The following ARSB variants were observed in gnomAD, a reference collection of about 807,000 sequenced individuals.
ARSB encodes the protein N-acetylgalactosamine-4-sulfatase.
A neutral mutation model predicts 50.9 loss-of-function variants in ARSB; 41 were observed. That is an observed-to-expected ratio of 0.81 (90% CI 0.63 to 1.04). ARSB has a LOEUF of 1.04. Ranked by LOEUF, ARSB falls within the 50% of genes least tolerant of loss-of-function variation. The pLI is 0.00. For missense variants in ARSB, 672 were observed against 693.3 expected (o/e 0.97, Z 0.35); for synonymous variants, 269 against 284.8 (o/e 0.94, Z 0.56).
At chr5:78,874,767 C>G (rs564070434) in intron 5 of ARSB, among the ~76,000 whole-genome samples, 1 of 152,248 alleles carries the variant, frequency 6.6e-6, no homozygotes, top group Non-Finnish European at 1.5e-5. Context: ...TTCAATTACA[C>G]CTGATGTGGA....
chr5:78,953,280 C>T (rs977354630), intron 4 of ARSB, among the ~76,000 whole-genome samples: 46 of 152,308 alleles, frequency 3.0e-4, no homozygotes, highest in African/African-American at 1.1e-3. Context: ...CCATGAGGTC[C>T]TATGAGAACA....
intron 6 of ARSB, among the ~76,000 whole-genome samples, chr5:78,837,873 G>A (rs530268476): frequency 6.6e-6 from 1 of 152,126 alleles, no homozygotes; most frequent in Admixed American, 6.5e-5. Flanking sequence ...CTCAAACCTT[G>A]CCCTTGCCTC....
chr5:78,900,517 G>A (rs1309917432), intron 4 of ARSB, among the ~76,000 whole-genome samples: 3 of 152,080 alleles, frequency 2.0e-5, no homozygotes, highest in Admixed American at 2.0e-4. Flanking sequence ...GAGGGGACTC[G>A]CAGACGTGGA....
At chr5:78,846,566 A>G (rs1745453569) in intron 5 of ARSB, among the ~76,000 whole-genome samples, 1 of 152,156 alleles carries the variant, frequency 6.6e-6, no homozygotes, top group African/African-American at 2.4e-5. Flanking sequence ...TTGCTGGCAT[A>G]TAGAAATGCT....
rs189547163 is a variant in ARSB, at chr5:78,935,673, A to G, written c.898+19622T>C. On this transcript the variant is annotated intron_variant, in intron 4 of 7. Transcript: ENST00000264914. ...AATCTCTAGCCACTTAGCTATTATT[A>G]TATCACACAACCTAATAACAATAAA... Among the ~76,000 whole-genome samples the G allele has an allele frequency of 2.0e-5, 3 of 152,372 alleles. No homozygotes were observed. In the East Asian group the frequency reaches 5.8e-4, roughly 29 times the overall value.
At chr5:78,939,458 G>A (rs1750793280) in intron 4 of ARSB, among the ~76,000 whole-genome samples, 3 of 151,962 alleles carry the variant, frequency 2.0e-5, no homozygotes, top group Non-Finnish European at 4.4e-5. Context: ...ACAGGCCCCG[G>A]TGTGTGATGT....
intron 6 of ARSB, 87 bp downstream of exon 6, chr5:78,839,269 G>C: frequency 7.6e-7 from 1 of 1,317,044 alleles, no homozygotes; most frequent in Non-Finnish European, 1.1e-6. Flanking sequence ...GGAAAAAAGA[G>C]AAAGCTAGGC....
intron 6 of ARSB, among the ~76,000 whole-genome samples, chr5:78,800,453 G>C (rs1743345683): frequency 6.6e-6 from 1 of 151,978 alleles, no homozygotes. Context: ...GGAATTCCCA[G>C]AAAAAGCACT....
chr5:78,877,577 C>T (rs1221731652), intron 5 of ARSB, among the ~76,000 whole-genome samples: 4 of 152,026 alleles, frequency 2.6e-5, no homozygotes, highest in South Asian at 4.2e-4. Flanking sequence ...TTATTAGAGA[C>T]GGGGTTTCAC....
chr5:78,820,616 C>G (rs1345156263), intron 6 of ARSB, among the ~76,000 whole-genome samples: 1 of 152,124 alleles, frequency 6.6e-6, no homozygotes, highest in East Asian at 1.9e-4. Flanking sequence ...GCTAAATAAA[C>G]TACAGAATAC....
chr5:78,981,619 T>A (rs1229314674), intron 1 of ARSB, among the ~76,000 whole-genome samples: 1 of 152,248 alleles, frequency 6.6e-6, no homozygotes, highest in Non-Finnish European at 1.5e-5. Flanking sequence ...AGACAAAGTC[T>A]AGAGTTCAGC....
At chr5:78,883,257 C>T (rs1747851374) in intron 5 of ARSB, 2 of 152,160 alleles carry the variant, frequency 1.3e-5, no homozygotes, top group Admixed American at 6.5e-5. Context: ...ATAATGAGCA[C>T]AAAGCTTCAA....
intron 5 of ARSB, among the ~76,000 whole-genome samples, chr5:78,858,930 C>T (rs1746288736): frequency 6.6e-6 from 1 of 152,298 alleles, no homozygotes; most frequent in African/African-American, 2.4e-5. Flanking sequence ...ACATTTGTTA[C>T]AGACAAATGT....
intron 5 of ARSB, chr5:78,882,781 T>C (rs1034672100): frequency 3.1e-5 from 4 of 128,842 alleles, no homozygotes; most frequent in Non-Finnish European, 6.6e-5. Flanking sequence ...AGTGATTTTT[T>C]TTTTTTTTTT....
intron 1 of ARSB, among the ~76,000 whole-genome samples, chr5:78,971,728 G>T (rs1444039114): frequency 6.6e-6 from 1 of 152,106 alleles, no homozygotes; most frequent in Non-Finnish European, 1.5e-5. Context: ...CCTCCTAAAA[G>T]AACCACATGG....
At position 78,791,965 on chromosome 5, in the gene ARSB, T is replaced by C. The variant is rs554550062; in HGVS notation, c.1214-9991A>G. 6.6e-5 allele frequency among the ~76,000 whole-genome samples: 10 copies of C among 151,914 alleles called. No homozygotes were observed. In the East Asian group the frequency reaches 1.9e-3, roughly 29 times the overall value. ...ATCTTCTGGCTTCCTTGAGCCACAC[T>C]GGAAGAAGAAGAATTGTCTTGGGCC... On this transcript the variant is annotated intron_variant, in intron 6 of 7. Transcript: ENST00000264914.
intron 6 of ARSB, among the ~76,000 whole-genome samples, chr5:78,836,248 G>A (rs144525134): frequency 6.6e-5 from 10 of 152,352 alleles, no homozygotes; most frequent in African/African-American, 2.4e-4. Context: ...GGATTGCCAT[G>A]TGTGAGGAGG....
chr5:78,782,008 T>C, intron 6 of ARSB, 34 bp from the exon 7 acceptor site: 1 of 1,613,742 alleles, frequency 6.2e-7, no homozygotes, highest in Non-Finnish European at 8.5e-7. Context: ...ATTAGATCAC[T>C]GTTATTGGAA....
chr5:78,855,648 G>A (rs574144182), intron 5 of ARSB, among the ~76,000 whole-genome samples: 1 of 152,216 alleles, frequency 6.6e-6, no homozygotes, highest in South Asian at 2.1e-4. Flanking sequence ...TCATAGTATT[G>A]GCTCCTTCTC....
Sources: gnomAD v4.1 joint callset for allele counts (sites outside exome capture counted in the v4.1 genomes callset) on GRCh38, gnomAD v4.1.1 for gene constraint, MANE v1.5 for transcripts, NCBI Gene and HGNC (gene_info 2026-07-23, HGNC 2026-07-21) for gene names.